INPP4B: variants seen among roughly 807,000 people sequenced by gnomAD.
The protein encoded by INPP4B is inositol polyphosphate 4-phosphatase type II.
INPP4B carries 55 observed loss-of-function variants against 122.5 expected under a neutral mutation model. That is an observed-to-expected ratio of 0.45 (90% CI 0.36 to 0.56). The LOEUF is 0.56. INPP4B is among the 20% of genes least tolerant of loss of function. The pLI is 0.00. For missense variants in INPP4B, 1,000 were observed against 1,097.7 expected (o/e 0.91, Z 1.26); for synonymous variants, 403 against 388.7 (o/e 1.04, Z -0.43).
At chr4:142,448,902 G>A (rs1813529829) in intron 3 of INPP4B, among the ~76,000 whole-genome samples, 1 of 152,160 alleles carries the variant, frequency 6.6e-6, no homozygotes, top group African/African-American at 2.4e-5. Flanking sequence ...AAATAAGCAT[G>A]TATTTAAAGG....
intron 18 of INPP4B, among the ~76,000 whole-genome samples, chr4:142,131,890 G>C (rs528165054): frequency 1.3e-5 from 2 of 152,008 alleles, no homozygotes; most frequent in Admixed American, 6.6e-5. Context: ...GGGAGGTGGA[G>C]GTTGCAGTGA....
chr4:142,295,046 A>G (rs943360518), intron 9 of INPP4B, among the ~76,000 whole-genome samples: 2 of 151,932 alleles, frequency 1.3e-5, no homozygotes, highest in African/African-American at 4.8e-5. Flanking sequence ...TGATGCAGAG[A>G]TTTCTAGCTT....
chr4:142,041,515 G>A (rs2152331098), intron 25 of INPP4B, among the ~76,000 whole-genome samples: 1 of 152,142 alleles, frequency 6.6e-6, no homozygotes, highest in Non-Finnish European at 1.5e-5. Context: ...CTACTCAGGA[G>A]GCTGAGGCAA....
At chr4:142,098,287 C>A (rs1361656627) in intron 23 of INPP4B, among the ~76,000 whole-genome samples, 1 of 151,932 alleles carries the variant, frequency 6.6e-6, no homozygotes, top group Non-Finnish European at 1.5e-5. Context: ...AAGGGGTTGA[C>A]TGTATGGTGC....
chr4:142,105,972 C>T (rs998792484), intron 23 of INPP4B, among the ~76,000 whole-genome samples: 1 of 152,096 alleles, frequency 6.6e-6, no homozygotes, highest in Non-Finnish European at 1.5e-5. Context: ...CATTCTTTGG[C>T]TTGCAATATG....
intron 9 of INPP4B, among the ~76,000 whole-genome samples, chr4:142,302,806 GAAGT>G (rs2151149258): frequency 6.6e-6 from 1 of 152,172 alleles, no homozygotes; most frequent in South Asian, 2.1e-4. Flanking sequence ...AGATAAAAAA[GAAGT>G]AAGGGGAGAC....
intron 9 of INPP4B, among the ~76,000 whole-genome samples, chr4:142,286,093 A>C (rs1445986823): frequency 6.6e-6 from 1 of 152,188 alleles, no homozygotes; most frequent in African/African-American, 2.4e-5. Flanking sequence ...GAGGAAAAGT[A>C]ATTAAAGCAA....
At chr4:142,599,646 C>A (rs1739452184) in intron 2 of INPP4B, among the ~76,000 whole-genome samples, 1 of 151,832 alleles carries the variant, frequency 6.6e-6, no homozygotes, top group Non-Finnish European at 1.5e-5. Flanking sequence ...ATAACACCTC[C>A]AAAGGAATAT....
chr4:142,543,130 G>A (rs558919784), intron 2 of INPP4B, among the ~76,000 whole-genome samples: 20 of 152,102 alleles, frequency 1.3e-4, no homozygotes, highest in Non-Finnish European at 1.5e-4. Context: ...AATGCACCTT[G>A]TTTACACATA....
chr4:142,380,167 T>C (rs1377461081), intron 7 of INPP4B, among the ~76,000 whole-genome samples: 1 of 152,218 alleles, frequency 6.6e-6, no homozygotes, highest in African/African-American at 2.4e-5. Flanking sequence ...ATGAATTACT[T>C]ATCCTGTTTA....
intron 12 of INPP4B, among the ~76,000 whole-genome samples, chr4:142,231,508 T>A (rs762674302): frequency 6.6e-6 from 1 of 152,240 alleles, no homozygotes; most frequent in Non-Finnish European, 1.5e-5. Flanking sequence ...ATGAAACCAC[T>A]AATAATATCT....
intron 2 of INPP4B, among the ~76,000 whole-genome samples, chr4:142,718,291 C>T (rs57566039): frequency 1.3e-5 from 2 of 152,154 alleles, no homozygotes; most frequent in South Asian, 4.1e-4. Context: ...TGCACTGATA[C>T]ATATAGAAAT....
chr4:142,456,196 C>A (rs183113429), intron 3 of INPP4B, among the ~76,000 whole-genome samples: 1 of 151,992 alleles, frequency 6.6e-6, no homozygotes, highest in African/African-American at 2.4e-5. Context: ...GTTGTCTATG[C>A]TTGTGGGGTA....
chr4:142,353,690 T>C (rs1290859201), intron 7 of INPP4B, among the ~76,000 whole-genome samples: 3 of 152,114 alleles, frequency 2.0e-5, no homozygotes, highest in East Asian at 3.9e-4. Context: ...TGAAGATAAA[T>C]ATTGTACAAA....
chr4:142,118,504 C>T (rs55839609), intron 21 of INPP4B, among the ~76,000 whole-genome samples: 20,452 of 151,970 alleles, frequency 0.13, 1,556 homozygotes, highest in East Asian at 0.24. Context: ...TCTACAACCA[C>T]CTGATCTTTG....
chr4:142,492,528 C>T (rs996180341), intron 2 of INPP4B, among the ~76,000 whole-genome samples: 3 of 152,088 alleles, frequency 2.0e-5, no homozygotes, highest in African/African-American at 7.2e-5. Context: ...GTGATATGGA[C>T]AAAGAAGTTC....
chr4:142,099,779 G>T (rs992817417), intron 23 of INPP4B, among the ~76,000 whole-genome samples: 1 of 152,012 alleles, frequency 6.6e-6, no homozygotes, highest in Non-Finnish European at 1.5e-5. Flanking sequence ...TTTTGCTTAG[G>T]TCATTCAACT....
At chr4:142,245,669 T>A (rs181854372) in intron 11 of INPP4B, among the ~76,000 whole-genome samples, 9 of 152,124 alleles carry the variant, frequency 5.9e-5, no homozygotes, top group Non-Finnish European at 1.5e-5. Context: ...TGGTACCTGC[T>A]CCTCTTTGCT....
At chr4:142,408,405 T>C (rs973101179) in intron 5 of INPP4B, among the ~76,000 whole-genome samples, 3 of 151,894 alleles carry the variant, frequency 2.0e-5, no homozygotes. Context: ...ATACAAAAAT[T>C]AGCTGGGCGT....
Sources: allele counts gnomAD v4.1 joint callset (sites outside exome capture counted in the v4.1 genomes callset), GRCh38; gene constraint gnomAD v4.1.1; transcripts MANE v1.5; gene names NCBI Gene and HGNC (gene_info 2026-07-23, HGNC 2026-07-21).